CAAP1: variants seen among roughly 807,000 people sequenced by gnomAD.
The protein encoded by CAAP1 is conserved anti-apoptotic protein.
CAAP1 carries 20 observed loss-of-function variants against 34.0 expected under a neutral mutation model. That is an observed-to-expected ratio of 0.59 (90% CI 0.41 to 0.86). CAAP1 has a LOEUF of 0.86. CAAP1 is among the 40% of genes least tolerant of loss of function. The pLI, the probability that CAAP1 is intolerant of heterozygous loss-of-function variation, is 0.00. For synonymous variants in CAAP1, 213 were observed against 166.7 expected, an observed-to-expected ratio of 1.28 and a Z score of -2.14; for missense variants, 538 against 450.5, an observed-to-expected ratio of 1.19 and a Z score of -1.76.
At chr9:26,890,207 T>C (rs537105437) in intron 1 of CAAP1, among the ~76,000 whole-genome samples, 4 of 151,822 alleles carry the variant, frequency 2.6e-5, no homozygotes, top group South Asian at 2.1e-4. Flanking sequence ...CTTACCTCTA[T>C]TAAAAATACA....
chr9:26,867,832 T>C (rs977137705), intron 4 of CAAP1, among the ~76,000 whole-genome samples: 2 of 152,132 alleles, frequency 1.3e-5, no homozygotes, highest in Admixed American at 6.5e-5. Context: ...AATTCTGTTT[T>C]AATCCATGAA....
At chr9:26,860,800 A>G (rs1352233493) in intron 5 of CAAP1, among the ~76,000 whole-genome samples, 1 of 152,170 alleles carries the variant, frequency 6.6e-6, no homozygotes, top group Non-Finnish European at 1.5e-5. Flanking sequence ...CAAAATAAAT[A>G]AATAAATAAA....
At chr9:26,874,935 C>T (rs1014664478) in intron 4 of CAAP1, among the ~76,000 whole-genome samples, 4 of 152,066 alleles carry the variant, frequency 2.6e-5, no homozygotes, top group African/African-American at 9.7e-5. Context: ...AATTTATAAT[C>T]TTTAAAGCTT....
chr9:26,854,643 C>G (rs1210628084), intron 5 of CAAP1, among the ~76,000 whole-genome samples: 1 of 152,092 alleles, frequency 6.6e-6, no homozygotes, highest in African/African-American at 2.4e-5. Flanking sequence ...CAGAAAACAT[C>G]TGCAAAACAT....
chr9:26,873,747 C>G (rs1823338708), intron 4 of CAAP1, among the ~76,000 whole-genome samples: 1 of 152,172 alleles, frequency 6.6e-6, no homozygotes, highest in Admixed American at 6.5e-5. Context: ...TTATCTTAAT[C>G]TGTAACTTTT....
intron 3 of CAAP1, 42 bp downstream of exon 3, chr9:26,886,062 T>C: frequency 1.0e-6 from 1 of 990,308 alleles, no homozygotes; most frequent in Non-Finnish European, 1.5e-6. Context: ...GAATATAGTA[T>C]TAACTAAGAA....
In CAAP1 at chr9:26,848,292, T is replaced by A. The variant is rs141552764; in HGVS notation, c.740-5645A>T. On this transcript the variant is annotated intron_variant, in intron 5 of 5. Coordinates refer to ENST00000333916, the MANE Select transcript of CAAP1 (RefSeq NM_024828.4). ...ACTTTGGGAGGCCAAGATGGGCGGA[T>A]CATGAGGTCAAGAGATGGAGACCAT... 1.3e-3 allele frequency among the ~76,000 whole-genome samples: 201 copies of A among 152,228 alleles called. 1 individual carries two copies. The highest frequency in any genetic ancestry group is 2.5e-3 in the Non-Finnish European group (172 of 68,010).
intron 3 of CAAP1, 136 bp downstream of exon 3, chr9:26,885,968 T>C (rs1325107015): frequency 1.2e-5 from 5 of 422,050 alleles, no homozygotes; most frequent in South Asian, 8.8e-5. Flanking sequence ...TTAGTGCAAA[T>C]AGAAGTAAAA....
intron 4 of CAAP1, among the ~76,000 whole-genome samples, chr9:26,862,806 C>A (rs12343845): frequency 0.043 from 6,491 of 152,096 alleles, 472 homozygotes; most frequent in African/African-American, 0.15. Context: ...GTTAAATTTA[C>A]TCAAGTTGAT....
chr9:26,868,487 G>C (rs1823192683), intron 4 of CAAP1, among the ~76,000 whole-genome samples: 1 of 152,128 alleles, frequency 6.6e-6, no homozygotes, highest in South Asian at 2.1e-4. Context: ...GAAATAACCA[G>C]CCCTGCTGAC....
intron 4 of CAAP1, among the ~76,000 whole-genome samples, chr9:26,883,336 G>T (rs1489377522): frequency 6.6e-6 from 1 of 152,080 alleles, no homozygotes; most frequent in Non-Finnish European, 1.5e-5. Context: ...TCTTTCACTT[G>T]GTTCCCTCAT....
intron 5 of CAAP1, among the ~76,000 whole-genome samples, chr9:26,846,445 A>G (rs1822609084): frequency 6.7e-6 from 1 of 148,406 alleles, no homozygotes; most frequent in African/African-American, 2.5e-5. Flanking sequence ...AAAAAGAAGA[A>G]GAAAAAAAAG....
intron 1 of CAAP1, among the ~76,000 whole-genome samples, chr9:26,891,226 A>C (rs918112448): frequency 2.0e-5 from 3 of 152,228 alleles, no homozygotes; most frequent in African/African-American, 7.2e-5. Context: ...AAATTACATA[A>C]GAAGAAATCA....
At chr9:26,865,217 T>A (rs1823105765) in intron 4 of CAAP1, among the ~76,000 whole-genome samples, 1 of 152,178 alleles carries the variant, frequency 6.6e-6, no homozygotes, top group South Asian at 2.1e-4. Context: ...TAAGCAAAAG[T>A]AAAGATTAAA....
At chr9:26,872,856 CTTT>C (rs111321792) in intron 4 of CAAP1, among the ~76,000 whole-genome samples, 6,185 of 151,946 alleles carry the variant, frequency 0.041, 425 homozygotes, top group African/African-American at 0.14. Flanking sequence ...TTAGGAATAT[CTTT>C]TTTAAGTTAA....
intron 4 of CAAP1, among the ~76,000 whole-genome samples, chr9:26,878,189 T>C (rs1317034736): frequency 6.6e-6 from 1 of 152,214 alleles, no homozygotes; most frequent in Non-Finnish European, 1.5e-5. Context: ...TGCACTTGAT[T>C]TTTTATAAGA....
chr9:26,891,056 G>A (rs1321502902), intron 1 of CAAP1, among the ~76,000 whole-genome samples: 1 of 152,206 alleles, frequency 6.6e-6, no homozygotes, highest in Non-Finnish European at 1.5e-5. Context: ...TCCAAAGACT[G>A]TTCAACATCA....
At chr9:26,855,387 C>G (rs978509152) in intron 5 of CAAP1, among the ~76,000 whole-genome samples, 6 of 152,054 alleles carry the variant, frequency 3.9e-5, no homozygotes, top group Non-Finnish European at 7.4e-5. Context: ...TGAAAATATT[C>G]TATATATTGT....
chr9:26,881,825 T>C (rs2131336141), intron 4 of CAAP1, among the ~76,000 whole-genome samples: 1 of 152,318 alleles, frequency 6.6e-6, no homozygotes, highest in East Asian at 1.9e-4. Context: ...AGTCTGGAAC[T>C]TCCTAGAAAC....
Sources: allele counts gnomAD v4.1 joint callset (sites outside exome capture counted in the v4.1 genomes callset), GRCh38; gene constraint gnomAD v4.1.1; transcripts MANE v1.5; gene names NCBI Gene and HGNC (gene_info 2026-07-23, HGNC 2026-07-21).